Variants in NFATC2 observed in about 807,000 individuals in gnomAD.
NFATC2 encodes nuclear factor of activated T-cells, cytoplasmic 2.
In NFATC2, 22 loss-of-function variants were observed where a neutral mutation model predicts 87.3. The ratio of observed to expected loss-of-function variants is 0.25; its 90% confidence interval spans 0.18 to 0.36. The LOEUF (loss-of-function observed/expected upper bound fraction) is 0.36. NFATC2 is among the 10% of genes least tolerant of loss of function. The probability of loss-of-function intolerance (pLI) is 1.00; values close to 1 mark genes in which losing one functional copy is unlikely to be tolerated. For synonymous variants in NFATC2, 565 were observed against 542.2 expected, an observed-to-expected ratio of 1.04 and a Z score of -0.58; for missense variants, 1,149 against 1,259.1, an observed-to-expected ratio of 0.91 and a Z score of 1.32.
intron 5 of NFATC2, among the ~76,000 whole-genome samples, chr20:51,466,605 G>C (rs1036356147): frequency 4.6e-5 from 7 of 152,074 alleles, no homozygotes; most frequent in African/African-American, 1.7e-4. Context: ...ACGGATCAGA[G>C]CCCCAAACAT....
intron 6 of NFATC2, among the ~76,000 whole-genome samples, chr20:51,453,128 T>TC (rs1269236872): frequency 6.6e-6 from 1 of 152,268 alleles, no homozygotes; most frequent in Non-Finnish European, 1.5e-5. Flanking sequence ...AAAGGCGTCA[T>TC]CAAACCCTTT....
intron 1 of NFATC2, among the ~76,000 whole-genome samples, chr20:51,552,677 G>A (rs894130131): frequency 3.9e-5 from 6 of 152,146 alleles, no homozygotes; most frequent in Non-Finnish European, 5.9e-5. Flanking sequence ...TCAACGGGTG[G>A]ACTGTAGGAA....
rs984135519 is a variant in NFATC2 at position 51,542,614 on chromosome 20, G to C, written c.-115C>G. ...CTCGAGCGGCGGGGTCCCTTTCCTC[G>C]TAGGGACGCACGCCGGGTCCGGGGA... On this transcript the variant is annotated 5_prime_UTR_variant, in exon 1 of 11. Coordinates refer to ENST00000371564, the MANE Select transcript of NFATC2 (RefSeq NM_012340.5). 4.1e-6 allele frequency: 5 copies of C among 1,219,758 alleles called. No individual in the cohort carries two copies. In the African/African-American group the frequency reaches 6.4e-5, roughly 16 times the overall value. 75.6% of individuals were successfully genotyped at this position (1,219,758 alleles called of 1,614,324 possible).
At chr20:51,479,930 A>G (rs887668005) in intron 3 of NFATC2, among the ~76,000 whole-genome samples, 3 of 152,082 alleles carry the variant, frequency 2.0e-5, no homozygotes, top group African/African-American at 7.2e-5. Flanking sequence ...TCTGATTACT[A>G]CAGGTCAGAA....
At chr20:51,561,703 A>G (rs2077034896) in intron 1 of NFATC2, among the ~76,000 whole-genome samples, 1 of 150,202 alleles carries the variant, frequency 6.7e-6, no homozygotes, top group African/African-American at 2.4e-5. Context: ...AGCCCCTCCC[A>G]CTTGGCAGCC....
At chr20:51,486,353 C>A (rs1172253366) in intron 3 of NFATC2, among the ~76,000 whole-genome samples, 3 of 152,210 alleles carry the variant, frequency 2.0e-5, no homozygotes, top group African/African-American at 7.2e-5. Flanking sequence ...TGGAACAAGC[C>A]ACGTTTCTGC....
chr20:51,470,203 A>G (rs1988073181), intron 5 of NFATC2, among the ~76,000 whole-genome samples: 1 of 152,084 alleles, frequency 6.6e-6, no homozygotes, highest in Non-Finnish European at 1.5e-5. Context: ...AGGTGGGGTT[A>G]TCTACATGGA....
At chr20:51,492,505 C>G (rs570620820) in intron 3 of NFATC2, among the ~76,000 whole-genome samples, 1 of 152,258 alleles carries the variant, frequency 6.6e-6, no homozygotes. Context: ...TCATTTAATG[C>G]GAACCAAACA....
rs932471399 is a variant in NFATC2 at position 51,423,344 on chromosome 20, G to A, written c.2722+8723C>T. On this transcript the variant is annotated intron_variant, in intron 9 of 10. Transcript: ENST00000371564. Reference sequence around the variant, plus strand: ...TTATCTTGGGTTGTGGCTGGAATCAGGGAAAATCCATTGCAGTTTCCAGCC... The same window carrying A: ...TTATCTTGGGTTGTGGCTGGAATCAAGGAAAATCCATTGCAGTTTCCAGCC... 6.1e-5 allele frequency among the ~76,000 whole-genome samples: 9 copies of A among 148,616 alleles called. No homozygotes were observed. The South Asian group carries it at 1.5e-3, about 25-fold the overall frequency.
intron 9 of NFATC2, among the ~76,000 whole-genome samples, chr20:51,420,850 GA>G (rs945363828): frequency 3.3e-5 from 5 of 151,836 alleles, no homozygotes; most frequent in African/African-American, 1.2e-4. Flanking sequence ...TTTTTTTAGA[GA>G]TACATGCTAT....
intron 3 of NFATC2, among the ~76,000 whole-genome samples, chr20:51,514,992 C>T (rs2076329210): frequency 6.6e-6 from 1 of 152,218 alleles, no homozygotes; most frequent in Non-Finnish European, 1.5e-5. Context: ...CATTTCAGCT[C>T]TCTGCCTGGG....
chr20:51,408,825 T>C (rs1978770563), intron 9 of NFATC2, among the ~76,000 whole-genome samples: 1 of 152,092 alleles, frequency 6.6e-6, no homozygotes, highest in Non-Finnish European at 1.5e-5. Context: ...AACCTCTGAA[T>C]CAGTTGGAAA....
intron 6 of NFATC2, among the ~76,000 whole-genome samples, chr20:51,436,964 A>T (rs913676356): frequency 1.3e-5 from 2 of 152,132 alleles, no homozygotes; most frequent in African/African-American, 4.8e-5. Context: ...TGAAGAGCAG[A>T]AAGACAGGGG....
At chr20:51,415,437 T>C (rs1393524489) in intron 9 of NFATC2, among the ~76,000 whole-genome samples, 2 of 152,036 alleles carry the variant, frequency 1.3e-5, no homozygotes, top group African/African-American at 4.8e-5. Context: ...TGGACCCGGC[T>C]TCCTGAAGAC....
intron 6 of NFATC2, among the ~76,000 whole-genome samples, chr20:51,448,647 G>A (rs141839721): frequency 3.2e-4 from 48 of 151,916 alleles, no homozygotes; most frequent in African/African-American, 1.1e-3. Flanking sequence ...GCAAAACTCC[G>A]TCTCAAAAAA....
At position 51,479,090 on chromosome 20, in the gene NFATC2, T is replaced by C. The variant is rs145193232; in HGVS notation, c.1333-3430A>G. ...AGTGGGAATATTTACACCACAAAAATTGACAAATGCTATAGATCAGGGCTT... is the reference window on the plus strand; with the variant it reads ...AGTGGGAATATTTACACCACAAAAACTGACAAATGCTATAGATCAGGGCTT... On this transcript the variant is annotated intron_variant, in intron 3 of 10. Coordinates refer to ENST00000371564, the MANE Select transcript of NFATC2 (RefSeq NM_012340.5). Among the ~76,000 whole-genome samples, 469 of 152,202 alleles carry C rather than the reference T, an allele frequency of 3.1e-3. 1 individual carries two copies. Among genetic ancestry groups the C allele is most frequent in the African/African-American group, 0.01 (425 of 41,492 alleles).
chr20:51,405,001 G>A (rs1238669542), intron 9 of NFATC2, among the ~76,000 whole-genome samples: 2 of 152,186 alleles, frequency 1.3e-5, no homozygotes, highest in East Asian at 3.8e-4. Flanking sequence ...GAGTAGACAT[G>A]GTGATTCTGA....
chr20:51,513,068 A>T, intron 3 of NFATC2, among the ~76,000 whole-genome samples: 1 of 152,178 alleles, frequency 6.6e-6, no homozygotes, highest in Non-Finnish European at 1.5e-5. Context: ...AGTAATTAGC[A>T]TGACTTATTT....
intron 1 of NFATC2, among the ~76,000 whole-genome samples, chr20:51,536,510 A>G (rs2076722349): frequency 6.6e-6 from 1 of 152,146 alleles, no homozygotes; most frequent in Non-Finnish European, 1.5e-5. Flanking sequence ...TACATTTTTC[A>G]AATGTATTTA....
Sources: gnomAD v4.1 joint callset for allele counts (sites outside exome capture counted in the v4.1 genomes callset) on GRCh38, gnomAD v4.1.1 for gene constraint, MANE v1.5 for transcripts, NCBI Gene and HGNC (gene_info 2026-07-23, HGNC 2026-07-21) for gene names.